The following CNTN4 variants were observed in gnomAD, a reference collection of about 807,000 sequenced individuals.
CNTN4 encodes contactin 4.
Under a neutral mutation model 122.5 loss-of-function variants are expected in CNTN4, and 77 were observed. The observed-to-expected ratio is 0.63, with a 90% CI of 0.52 to 0.76. CNTN4 has a LOEUF of 0.76. Ranked by LOEUF, CNTN4 falls within the 30% of genes least tolerant of loss-of-function variation. The pLI is 0.00. For missense variants in CNTN4, 1,256 were observed against 1,259.1 expected (o/e 1.00, Z 0.04); for synonymous variants, 512 against 447.0 (o/e 1.15, Z -1.83).
intron 2 of CNTN4, among the ~76,000 whole-genome samples, chr3:2,112,755 C>G (rs547019374): frequency 6.6e-6 from 1 of 151,472 alleles, no homozygotes; most frequent in Non-Finnish European, 1.5e-5. Flanking sequence ...TTACTGTTTT[C>G]CATTGTGTTT....
In CNTN4 at chr3:3,034,857, A is replaced by C. The variant is rs1199988008; in HGVS notation, c.1942+67A>C. 2.0e-6 allele frequency: 3 copies of C among 1,532,310 alleles called. No individual in the cohort carries two copies. In the African/African-American group the frequency reaches 4.1e-5, roughly 21 times the overall value. The allele number at this position is 1,532,310 out of a possible 1,614,324, so 94.9% of individuals were successfully genotyped here. The stretch of plus-strand genomic sequence containing the variant: ...GCATACTGGACACAGCACTGTGGCA[A>C]GGAACGTCTAAGTTCTCATTCAGAC... On this transcript the variant is annotated intron_variant, in intron 17 of 24. Transcript: ENST00000418658.
At chr3:2,842,242 A>C (rs572733053) in intron 7 of CNTN4, among the ~76,000 whole-genome samples, 1 of 152,320 alleles carries the variant, frequency 6.6e-6, no homozygotes, top group Non-Finnish European at 1.5e-5. Context: ...ATGCTGCAAT[A>C]ATCCAAGTAA....
At chr3:2,380,198 G>A (rs1256466841) in intron 3 of CNTN4, among the ~76,000 whole-genome samples, 1 of 152,144 alleles carries the variant, frequency 6.6e-6, no homozygotes, top group Admixed American at 6.5e-5. Context: ...TTTCACAGAA[G>A]TTAGGGAAAA....
At chr3:2,975,316 C>T (rs1693320382) in intron 13 of CNTN4, among the ~76,000 whole-genome samples, 1 of 152,136 alleles carries the variant, frequency 6.6e-6, no homozygotes, top group Non-Finnish European at 1.5e-5. Flanking sequence ...TCCAACACTG[C>T]AGGATAGCAT....
intron 6 of CNTN4, among the ~76,000 whole-genome samples, chr3:2,759,248 C>T (rs141769766): frequency 0.051 from 7,751 of 152,144 alleles, 263 homozygotes; most frequent in Non-Finnish European, 0.067. Context: ...CTCTGCCTCC[C>T]GGCTTCAAGC....
chr3:2,285,729 G>T (rs1050246228), intron 2 of CNTN4, among the ~76,000 whole-genome samples: 1 of 151,968 alleles, frequency 6.6e-6, no homozygotes, highest in African/African-American at 2.4e-5. Context: ...TGTCATTTTG[G>T]TATTATTTAC....
At chr3:2,360,707 GC>G (rs1373412376) in intron 3 of CNTN4, among the ~76,000 whole-genome samples, 1 of 152,154 alleles carries the variant, frequency 6.6e-6, no homozygotes, top group Non-Finnish European at 1.5e-5. Flanking sequence ...AGGGGGAAGA[GC>G]CCCTTATAAA....
intron 3 of CNTN4, among the ~76,000 whole-genome samples, chr3:2,498,427 C>T (rs1259901843): frequency 1.3e-5 from 2 of 152,122 alleles, no homozygotes; most frequent in Non-Finnish European, 2.9e-5. Context: ...CCCTAGCAAG[C>T]AATATTTTCG....
chr3:2,283,074 A>C (rs1039142306), intron 2 of CNTN4, among the ~76,000 whole-genome samples: 2 of 152,146 alleles, frequency 1.3e-5, no homozygotes, highest in African/African-American at 4.8e-5. Flanking sequence ...GTGGCTACAC[A>C]ATTTTGTGAA....
intron 13 of CNTN4, among the ~76,000 whole-genome samples, chr3:2,944,275 G>C (rs1265692367): frequency 6.6e-6 from 1 of 151,772 alleles, no homozygotes; most frequent in Non-Finnish European, 1.5e-5. Flanking sequence ...GAGATAACTA[G>C]AGCATAAATT....
chr3:2,917,149 A>C lies in CNTN4; in HGVS notation c.1208-8480A>C, dbSNP rs543386725. ...ACCCCGTCTCCACCAAAAAATATAA[A>C]AACCAGTCAGGCGTGGCGGCGCGCG... On this transcript the variant is annotated intron_variant, in intron 12 of 24. Coordinates refer to ENST00000418658, the MANE Select transcript of CNTN4 (RefSeq NM_175607.3). Among the ~76,000 whole-genome samples the C allele has an allele frequency of 3.4e-4, 50 of 146,722 alleles. 2 individuals are homozygous for C. Among genetic ancestry groups the C allele is most frequent in the African/African-American group, 1.2e-3 (48 of 38,438 alleles).
At chr3:2,632,137 C>T (rs561718920) in intron 4 of CNTN4, among the ~76,000 whole-genome samples, 1 of 151,998 alleles carries the variant, frequency 6.6e-6, no homozygotes, top group African/African-American at 2.4e-5. Flanking sequence ...TTATGTCTCT[C>T]CTGATCTGTA....
At chr3:2,657,849 T>C (rs2083667045) in intron 4 of CNTN4, among the ~76,000 whole-genome samples, 1 of 151,604 alleles carries the variant, frequency 6.6e-6, no homozygotes, top group Non-Finnish European at 1.5e-5. Context: ...TGGGGGCATA[T>C]GAAATAAAAC....
chr3:2,432,227 ACT>A (rs891661635), intron 3 of CNTN4, among the ~76,000 whole-genome samples: 4 of 152,002 alleles, frequency 2.6e-5, no homozygotes, highest in Non-Finnish European at 4.4e-5. Flanking sequence ...ACCTGAACTA[ACT>A]CTCCCTTTCT....
chr3:3,031,871 C>G (rs1464076953), intron 16 of CNTN4, among the ~76,000 whole-genome samples: 1 of 152,104 alleles, frequency 6.6e-6, no homozygotes, highest in African/African-American at 2.4e-5. Context: ...GAGCGCATGG[C>G]AAAACTTCGA....
At chr3:2,933,400 G>C (rs577982986) in intron 13 of CNTN4, among the ~76,000 whole-genome samples, 2 of 152,248 alleles carry the variant, frequency 1.3e-5, no homozygotes, top group South Asian at 4.2e-4. Flanking sequence ...TTGTGACGCA[G>C]GCCATCTGGG....
intron 2 of CNTN4, among the ~76,000 whole-genome samples, chr3:2,191,559 C>A (rs1440183632): frequency 6.6e-6 from 1 of 152,088 alleles, no homozygotes; most frequent in Non-Finnish European, 1.5e-5. Context: ...TTCCATGACA[C>A]CTCTAGCCCG....
At chr3:2,850,261 T>C (rs1210153052) in intron 7 of CNTN4, among the ~76,000 whole-genome samples, 1 of 152,184 alleles carries the variant, frequency 6.6e-6, no homozygotes, top group Non-Finnish European at 1.5e-5. Context: ...GTGCAGGGAT[T>C]ACAGGCGTGA....
intron 6 of CNTN4, among the ~76,000 whole-genome samples, chr3:2,783,612 A>G (rs1175861278): frequency 1.3e-5 from 2 of 152,232 alleles, no homozygotes; most frequent in African/African-American, 4.8e-5. Flanking sequence ...TTTAACTTCT[A>G]AACTTTTCTC....
Sources: gnomAD v4.1 joint callset for allele counts (sites outside exome capture counted in the v4.1 genomes callset) on GRCh38, gnomAD v4.1.1 for gene constraint, MANE v1.5 for transcripts, NCBI Gene and HGNC (gene_info 2026-07-23, HGNC 2026-07-21) for gene names.